Variants in NRXN1 observed in about 807,000 individuals in gnomAD.
The protein encoded by NRXN1 is neurexin-1.
In NRXN1, 39 loss-of-function variants were observed where a neutral mutation model predicts 150.9. That is an observed-to-expected ratio of 0.26 (90% CI 0.20 to 0.34). The LOEUF is 0.34. NRXN1 is among the 10% of genes least tolerant of loss of function. NRXN1 has a pLI of 1.00. For synonymous variants in NRXN1, 924 were observed against 757.0 expected (o/e 1.22, Z -3.62); for missense variants, 1,815 against 1,949.9 (o/e 0.93, Z 1.30).
intron 5 of NRXN1, chr2:50,918,631 A>C (rs983952717): frequency 5.4e-6 from 2 of 371,202 alleles, no homozygotes; most frequent in Non-Finnish European, 9.7e-6. Context: ...ATTTCTGATA[A>C]GCCATTAAAG....
chr2:50,115,320 A>G (rs1222534060), intron 18 of NRXN1, among the ~76,000 whole-genome samples: 2 of 151,072 alleles, frequency 1.3e-5, no homozygotes, highest in Non-Finnish European at 3.0e-5. Context: ...GAAGTACAGT[A>G]GGACCACAGA....
intron 17 of NRXN1, among the ~76,000 whole-genome samples, chr2:50,342,231 A>G (rs755145328): frequency 1.3e-5 from 2 of 152,254 alleles, no homozygotes; most frequent in African/African-American, 2.4e-5. Flanking sequence ...AAATTATTCT[A>G]AAGTGCCAGG....
intron 8 of NRXN1, among the ~76,000 whole-genome samples, chr2:50,591,295 G>A (rs764499640): frequency 4.6e-4 from 70 of 151,756 alleles, no homozygotes; most frequent in Non-Finnish European, 7.4e-4. Flanking sequence ...CCTAACATAA[G>A]AAGAGCTATT....
At chr2:50,726,812 G>C (rs534045463) in intron 5 of NRXN1, among the ~76,000 whole-genome samples, 32 of 152,176 alleles carry the variant, frequency 2.1e-4, no homozygotes, top group African/African-American at 7.2e-4. Context: ...ATGGAAATAA[G>C]GGTAACAAAA....
intron 18 of NRXN1, among the ~76,000 whole-genome samples, chr2:50,175,804 A>G (rs2060319180): frequency 6.6e-6 from 1 of 152,126 alleles, no homozygotes; most frequent in South Asian, 2.1e-4. Flanking sequence ...AAATCTTCCC[A>G]TTGACAAGGT....
At chr2:50,095,731 A>T (rs1700121717) in intron 18 of NRXN1, among the ~76,000 whole-genome samples, 1 of 151,348 alleles carries the variant, frequency 6.6e-6, no homozygotes, top group Non-Finnish European at 1.5e-5. Context: ...ATTTAGAAAC[A>T]ATGAGCATCC....
intron 18 of NRXN1, among the ~76,000 whole-genome samples, chr2:50,116,882 T>C (rs771413941): frequency 6.6e-5 from 10 of 152,140 alleles, no homozygotes; most frequent in Admixed American, 1.3e-4. Flanking sequence ...TTGATGCTGC[T>C]GTTTTCCTGA....
chr2:50,046,008 C>T (rs1436419861), intron 21 of NRXN1, among the ~76,000 whole-genome samples: 2 of 152,092 alleles, frequency 1.3e-5, no homozygotes, highest in South Asian at 4.1e-4. Flanking sequence ...AATATGTTAT[C>T]CAGGATAGAT....
At chr2:50,949,886 C>T (rs934898764) in intron 2 of NRXN1, among the ~76,000 whole-genome samples, 3 of 152,104 alleles carry the variant, frequency 2.0e-5, no homozygotes, top group Non-Finnish European at 4.4e-5. Flanking sequence ...TATGTCTCAT[C>T]TATTTCTGTT....
In NRXN1 at chr2:49,918,636, C is replaced by A. The variant is rs1235540361; in HGVS notation, c.*3308G>T. 6.6e-6 allele frequency: 1 copy of A among 151,972 alleles called. No individual in the cohort carries two copies. The highest frequency in any genetic ancestry group is 6.6e-5 in the Admixed American group (1 of 15,236). The allele number at this position is 151,972 out of a possible 1,614,324, so 9.4% of individuals were successfully genotyped here. A position where few individuals can be genotyped will look rare whatever the true frequency, so the allele number is the denominator to read the frequency against. ...CTAATACTGTATGAGTTTATGGTTT[C>A]TGGCATATCAAGATGAACAAATATA... On this transcript the variant is annotated 3_prime_UTR_variant, in exon 23 of 23. Transcript: ENST00000401669.
At chr2:50,867,549 C>G (rs2106074757) in intron 5 of NRXN1, among the ~76,000 whole-genome samples, 1 of 151,926 alleles carries the variant, frequency 6.6e-6, no homozygotes, top group Admixed American at 6.6e-5. Flanking sequence ...GTTCAATCGA[C>G]CAGAATGACT....
At chr2:49,992,929 A>G (rs866003497) in intron 21 of NRXN1, among the ~76,000 whole-genome samples, 3 of 152,244 alleles carry the variant, frequency 2.0e-5, no homozygotes, top group Non-Finnish European at 4.4e-5. Flanking sequence ...CAAGGATGTC[A>G]AGCAACAGGA....
intron 9 of NRXN1, among the ~76,000 whole-genome samples, chr2:50,547,297 C>T (rs908470618): frequency 8.6e-6 from 1 of 116,546 alleles, no homozygotes; most frequent in South Asian, 2.5e-4. Context: ...TGATGGTTTA[C>T]AAAATAAATA....
intron 5 of NRXN1, among the ~76,000 whole-genome samples, chr2:50,808,163 C>G (rs1429820277): frequency 6.6e-6 from 1 of 151,930 alleles, no homozygotes; most frequent in African/African-American, 2.4e-5. Flanking sequence ...GTAAGAAGTA[C>G]AGTGTTAAAA....
chr2:50,823,585 GAATT>G (rs375634548), intron 5 of NRXN1, among the ~76,000 whole-genome samples: 61 of 151,960 alleles, frequency 4.0e-4, no homozygotes, highest in African/African-American at 1.4e-3. Context: ...CTAGACTGAA[GAATT>G]AATAAAAAGT....
intron 17 of NRXN1, among the ~76,000 whole-genome samples, chr2:50,447,253 C>G (rs1025682783): frequency 1.3e-5 from 2 of 151,976 alleles, no homozygotes; most frequent in African/African-American, 4.8e-5. Flanking sequence ...GTGGGCAGAT[C>G]ACTGGAGGTC....
chr2:49,974,755 C>CTT (rs34749359), intron 21 of NRXN1, among the ~76,000 whole-genome samples: 37,044 of 141,588 alleles, frequency 0.26, 5,655 homozygotes, highest in East Asian at 0.45. Flanking sequence ...CATTCTTAGG[C>CTT]TTTTTTTTTT....
At chr2:50,662,450 C>A (rs970653120) in intron 5 of NRXN1, among the ~76,000 whole-genome samples, 1 of 152,010 alleles carries the variant, frequency 6.6e-6, no homozygotes, top group Non-Finnish European at 1.5e-5. Flanking sequence ...TATTTCTTCT[C>A]TAATTAATAT....
chr2:50,851,554 C>G (rs1229608004), intron 5 of NRXN1, among the ~76,000 whole-genome samples: 1 of 152,078 alleles, frequency 6.6e-6, no homozygotes, highest in East Asian at 1.9e-4. Flanking sequence ...TACCTTGACA[C>G]CTATCTCCAG....
Sources: gnomAD v4.1 joint callset for allele counts (sites outside exome capture counted in the v4.1 genomes callset) on GRCh38, gnomAD v4.1.1 for gene constraint, MANE v1.5 for transcripts, NCBI Gene and HGNC (gene_info 2026-07-23, HGNC 2026-07-21) for gene names.